The following WSCD1 variants were observed in gnomAD, a reference collection of about 807,000 sequenced individuals.
The protein encoded by WSCD1 is WSC domain sialate O sulfotransferase 1, also known as sialate:O-sulfotransferase 1.
Under a neutral mutation model 60.4 loss-of-function variants are expected in WSCD1, and 41 were observed. That is an observed-to-expected ratio of 0.68 (90% CI 0.53 to 0.88). The LOEUF (loss-of-function observed/expected upper bound fraction) is 0.88. Among genes scored for constraint, WSCD1 ranks in the 40% least tolerant of loss-of-function variants. WSCD1 has a pLI of 0.00. For missense variants in WSCD1, 784 were observed against 796.2 expected (o/e 0.98, Z 0.18); for synonymous variants, 361 against 332.5 (o/e 1.09, Z -0.93).
intron 4 of WSCD1, among the ~76,000 whole-genome samples, chr17:6,093,605 T>G (rs1232595834): frequency 6.6e-6 from 1 of 152,202 alleles, no homozygotes; most frequent in Non-Finnish European, 1.5e-5. Flanking sequence ...GCATCAATCA[T>G]GCCAAAGAAC....
In WSCD1 at chr17:6,090,426, C is replaced by T. The variant is rs370370607; in HGVS notation, c.648C>T (p.Gly216=). ...GLEECNHECK[G]EKGSVCGAVD... ...AAGAGTGTAACCATGAGTGCAAAGG[C>T]GAGAAGGGCTCTGTGTGCGGGGCTG... Residue 216 remains glycine (G), a synonymous_variant, in exon 4 of 9, where the codon GGC becomes GGT. Transcript: ENST00000317744. 3.2e-5 allele frequency: 52 copies of T among 1,612,836 alleles called. No individual in the cohort carries two copies. Among genetic ancestry groups the T allele is most frequent in the African/African-American group, 2.4e-4 (18 of 74,836 alleles).
chr17:6,073,459 A>T (rs1908664542), intron 1 of WSCD1, among the ~76,000 whole-genome samples: 1 of 152,098 alleles, frequency 6.6e-6, no homozygotes, highest in Non-Finnish European at 1.5e-5. Flanking sequence ...GCAAAACCCC[A>T]TCTCTACTAA....
At chr17:6,114,160 A>AC (rs1911569661) in intron 7 of WSCD1, among the ~76,000 whole-genome samples, 2 of 151,854 alleles carry the variant, frequency 1.3e-5, no homozygotes, top group East Asian at 3.9e-4. Flanking sequence ...CCGTAAAAAA[A>AC]AAAAAAAAAA....
intron 4 of WSCD1, among the ~76,000 whole-genome samples, chr17:6,092,500 A>C (rs1004300291): frequency 1.3e-5 from 2 of 152,122 alleles, no homozygotes; most frequent in African/African-American, 2.4e-5. Context: ...TGAACTTGGC[A>C]GTGTCTCACC....
chr17:6,091,053 G>T (rs1345294646), intron 4 of WSCD1, among the ~76,000 whole-genome samples: 1 of 151,966 alleles, frequency 6.6e-6, no homozygotes, highest in African/African-American at 2.4e-5. Flanking sequence ...ACCACACCCG[G>T]CTAATGTTTT....
Position 6,121,433 on chromosome 17 carries a change from C to G in WSCD1, c.*772C>G, listed in dbSNP as rs796306761. 6 of 152,532 alleles carry G rather than the reference C, an allele frequency of 3.9e-5. No homozygotes were observed. The highest frequency in any genetic ancestry group is 1.4e-4 in the African/African-American group (6 of 41,580). The allele number at this position is 152,532 out of a possible 1,614,324, so 9.4% of individuals were successfully genotyped here. On this transcript the variant is annotated 3_prime_UTR_variant, in exon 9 of 9. Transcript: ENST00000317744. ...CCACACCAAGTCTGTGCACTGCCCA[C>G]CACCCCCTTCAACCCCTCCTACACC...
At chr17:6,120,160 G>T (rs1904570274) in intron 8 of WSCD1, 149 bp from the exon 9 acceptor site, 8 of 858,522 alleles carry the variant, frequency 9.3e-6, no homozygotes, top group South Asian at 8.3e-5. Flanking sequence ...GCCACCAAAG[G>T]GTCCTCCTCC....
chr17:6,070,413 C>T lies in WSCD1; in HGVS notation c.-528C>T, dbSNP rs968129246. 2.0e-5 allele frequency: 3 copies of T among 146,876 alleles called. No homozygotes were observed. Among genetic ancestry groups the T allele is most frequent in the African/African-American group, 7.4e-5 (3 of 40,774 alleles). The allele number at this position is 146,876 out of a possible 1,614,324, so 9.1% of individuals were successfully genotyped here. ...GGCGCCCGCTCGCCCGCCCGCTGCC[C>T]GCCCCGGCTCCGCGCCCGCCCGCCC... On this transcript the variant is annotated 5_prime_UTR_variant, in exon 1 of 9. Transcript: ENST00000317744.
Position 6,120,461 on chromosome 17 carries a change from G to C in WSCD1, c.1528G>C (p.Val510Leu), listed in dbSNP as rs199577962. 1.2e-6 allele frequency: 2 copies of C among 1,614,024 alleles called. No homozygotes were observed. The highest frequency in any genetic ancestry group is 2.2e-5 in the East Asian group (1 of 44,870). Residue 510 changes from valine (V) to leucine (L), a missense_variant, in exon 9 of 9, where the codon GTG becomes CTG. By Grantham distance (32) the Val-to-Leu change is conservative (BLOSUM62 1). Transcript: ENST00000317744. ...ACGGGAGATGGTGGCCTTCCTCAAC[G>C]TGTCTGTGAGCGAGGAGCGGCTGCT... ...TLREMVAFLN[V>L]SVSEERLLCV...
At chr17:6,083,094 T>G (rs1040986817) in intron 2 of WSCD1, among the ~76,000 whole-genome samples, 12 of 152,144 alleles carry the variant, frequency 7.9e-5, no homozygotes, top group African/African-American at 2.9e-4. Flanking sequence ...TTCTGCAAAC[T>G]CTCCGCAACA....
At chr17:6,092,398 C>A (rs527924497) in intron 4 of WSCD1, among the ~76,000 whole-genome samples, 1 of 152,176 alleles carries the variant, frequency 6.6e-6, no homozygotes, top group East Asian at 1.9e-4. Context: ...CAGGATGTGT[C>A]TGGGAGCTCA....
chr17:6,099,968 TC>T (rs1431307375), intron 5 of WSCD1, among the ~76,000 whole-genome samples: 3 of 152,046 alleles, frequency 2.0e-5, no homozygotes, highest in African/African-American at 2.4e-5. Context: ...CTGGTGTCCC[TC>T]CAGTCATCAG....
intron 2 of WSCD1, among the ~76,000 whole-genome samples, chr17:6,082,768 G>A (rs1216406649): frequency 6.6e-6 from 1 of 152,172 alleles, no homozygotes; most frequent in East Asian, 1.9e-4. Flanking sequence ...AAGGAGATGA[G>A]GCAGGAGGAG....
chr17:6,104,356 G>T (rs1910971353), intron 5 of WSCD1, among the ~76,000 whole-genome samples: 1 of 152,148 alleles, frequency 6.6e-6, no homozygotes, highest in Non-Finnish European at 1.5e-5. Context: ...AACTCTGTGA[G>T]AGCCCTTAGT....
At chr17:6,098,256 G>A (rs1409213377) in intron 5 of WSCD1, among the ~76,000 whole-genome samples, 2 of 152,176 alleles carry the variant, frequency 1.3e-5, no homozygotes, top group African/African-American at 4.8e-5. Flanking sequence ...ACAAGCATGA[G>A]CCACTGTGCC....
chr17:6,086,624 C>A (rs1172777617), intron 2 of WSCD1, among the ~76,000 whole-genome samples: 1 of 152,012 alleles, frequency 6.6e-6, no homozygotes, highest in African/African-American at 2.4e-5. Flanking sequence ...AAAGTGCTGG[C>A]ATTATAGGTG....
intron 7 of WSCD1, among the ~76,000 whole-genome samples, chr17:6,111,649 C>T (rs1425621644): frequency 1.2e-4 from 17 of 141,054 alleles, no homozygotes; most frequent in East Asian, 2.1e-4. Context: ...TGCAGTGAGT[C>T]GAGATTATGC....
intron 5 of WSCD1, among the ~76,000 whole-genome samples, chr17:6,107,081 C>T (rs774354709): frequency 6.6e-6 from 1 of 152,198 alleles, no homozygotes; most frequent in Non-Finnish European, 1.5e-5. Context: ...CTTCCGAGGC[C>T]TCCCCACTTG....
At chr17:6,074,876 G>T (rs1462500090) in intron 1 of WSCD1, among the ~76,000 whole-genome samples, 1 of 152,168 alleles carries the variant, frequency 6.6e-6, no homozygotes, top group African/African-American at 2.4e-5. Flanking sequence ...TTTCTTAGAT[G>T]GAAAGGGGAC....
Sources: allele counts gnomAD v4.1 joint callset (sites outside exome capture counted in the v4.1 genomes callset), GRCh38; gene constraint gnomAD v4.1.1; transcripts MANE v1.5; gene names NCBI Gene and HGNC (gene_info 2026-07-23, HGNC 2026-07-21).